GRID2: variants seen among roughly 807,000 people sequenced by gnomAD.
GRID2 encodes glutamate ionotropic receptor delta type subunit 2.
In GRID2, 33 loss-of-function variants were observed where a neutral mutation model predicts 114.8. The ratio of observed to expected loss-of-function variants is 0.29; its 90% confidence interval spans 0.22 to 0.38. GRID2 has a LOEUF of 0.38. Ranked by LOEUF, GRID2 falls within the 10% of genes least tolerant of loss-of-function variation. The probability of loss-of-function intolerance (pLI) is 1.00; values close to 1 mark genes in which losing one functional copy is unlikely to be tolerated. For synonymous variants in GRID2, 505 were observed against 449.9 expected (o/e 1.12, Z -1.55); for missense variants, 1,184 against 1,257.7 (o/e 0.94, Z 0.89).
intron 12 of GRID2, among the ~76,000 whole-genome samples, chr4:93,494,109 TG>T (rs1727293580): frequency 6.6e-6 from 1 of 151,898 alleles, no homozygotes; most frequent in Non-Finnish European, 1.5e-5. Flanking sequence ...CAAAGTTTCT[TG>T]GGAAAATTCT....
intron 13 of GRID2, among the ~76,000 whole-genome samples, chr4:93,560,685 T>G (rs13143406): frequency 0.32 from 48,844 of 151,872 alleles, 8,733 homozygotes; most frequent in African/African-American, 0.47. Flanking sequence ...TTGCTGGGTT[T>G]CCCAGGCTGG....
intron 13 of GRID2, among the ~76,000 whole-genome samples, chr4:93,516,270 A>C (rs1729721426): frequency 6.6e-6 from 1 of 152,156 alleles, no homozygotes; most frequent in African/African-American, 2.4e-5. Flanking sequence ...AAACTCACTA[A>C]TGTCATCCTA....
chr4:92,842,493 G>A (rs888867360), intron 2 of GRID2, among the ~76,000 whole-genome samples: 5 of 152,092 alleles, frequency 3.3e-5, no homozygotes, highest in Non-Finnish European at 7.4e-5. Flanking sequence ...TATATTTTGT[G>A]TTATTCTATT....
At chr4:92,345,098 T>C (rs975986964) in intron 1 of GRID2, among the ~76,000 whole-genome samples, 7 of 152,228 alleles carry the variant, frequency 4.6e-5, no homozygotes, top group African/African-American at 1.7e-4. Context: ...TTTACAACTT[T>C]ATAGCTTAGC....
At chr4:93,518,246 T>C (rs1348846830) in intron 13 of GRID2, among the ~76,000 whole-genome samples, 2 of 151,736 alleles carry the variant, frequency 1.3e-5, no homozygotes, top group Non-Finnish European at 2.9e-5. Flanking sequence ...TTTCTCTTAC[T>C]CGAAGGTAGA....
At chr4:93,794,452 G>T (rs547840040) in intron 1 of GRID2, among the ~76,000 whole-genome samples, 1 of 152,148 alleles carries the variant, frequency 6.6e-6, no homozygotes, top group African/African-American at 2.4e-5. Flanking sequence ...CCACCAGAAC[G>T]ACTTAGGGAA....
chr4:93,645,833 AT>A (rs1722060389), intron 14 of GRID2, among the ~76,000 whole-genome samples: 1 of 152,220 alleles, frequency 6.6e-6, no homozygotes, highest in Non-Finnish European at 1.5e-5. Context: ...TTTCAAATAT[AT>A]TCTAAATTCT....
chr4:93,295,362 G>A (rs1209853717), intron 8 of GRID2, among the ~76,000 whole-genome samples: 4 of 152,202 alleles, frequency 2.6e-5, no homozygotes, highest in Non-Finnish European at 4.4e-5. Context: ...TCAAATAGGA[G>A]TAAAGCCAGG....
At chr4:92,384,301 C>T (rs1174853076) in intron 1 of GRID2, among the ~76,000 whole-genome samples, 2 of 147,396 alleles carry the variant, frequency 1.4e-5, no homozygotes, top group Admixed American at 7.0e-5. Flanking sequence ...CCCTCAGCCA[C>T]AAGAGCCCTT....
At chr4:92,322,367 T>C (rs1208199267) in intron 1 of GRID2, among the ~76,000 whole-genome samples, 1 of 152,060 alleles carries the variant, frequency 6.6e-6, no homozygotes, top group Non-Finnish European at 1.5e-5. Flanking sequence ...CTAAATGTAT[T>C]GTCCAGTTTA....
chr4:93,223,466 A>G (rs1017650363), intron 6 of GRID2, among the ~76,000 whole-genome samples: 2 of 152,180 alleles, frequency 1.3e-5, no homozygotes, highest in African/African-American at 4.8e-5. Context: ...ATCAGACTCT[A>G]ATTATCTCAA....
chr4:93,308,562 C>CT (rs1755681073), intron 8 of GRID2, among the ~76,000 whole-genome samples: 2 of 152,092 alleles, frequency 1.3e-5, no homozygotes, highest in African/African-American at 4.8e-5. Flanking sequence ...GGAAAAGTCT[C>CT]TTTTTTCCAC....
At chr4:92,434,455 G>A (rs370418896) in intron 1 of GRID2, among the ~76,000 whole-genome samples, 41 of 152,158 alleles carry the variant, frequency 2.7e-4, no homozygotes, top group East Asian at 2.1e-3. Flanking sequence ...TTTTCCTTGC[G>A]CCTATGGTAA....
chr4:93,057,565 C>T (rs1727378589), intron 2 of GRID2, among the ~76,000 whole-genome samples: 1 of 151,828 alleles, frequency 6.6e-6, no homozygotes, highest in African/African-American at 2.4e-5. Context: ...TAAAGTAAAA[C>T]ATCTCTACGT....
chr4:92,465,350 G>T (rs1721696278), intron 1 of GRID2, among the ~76,000 whole-genome samples: 1 of 151,844 alleles, frequency 6.6e-6, no homozygotes, highest in African/African-American at 2.4e-5. Context: ...ATTCATAATT[G>T]AATTCATTAG....
intron 14 of GRID2, among the ~76,000 whole-genome samples, chr4:93,659,750 T>G (rs1723319130): frequency 6.6e-6 from 1 of 152,180 alleles, no homozygotes; most frequent in African/African-American, 2.4e-5. Context: ...CATTGGTTTC[T>G]CAGTCTCTTT....
chr4:93,479,176 A>G (rs1253224817), intron 11 of GRID2, among the ~76,000 whole-genome samples: 2 of 152,066 alleles, frequency 1.3e-5, no homozygotes, highest in South Asian at 2.1e-4. Context: ...CATTATACCT[A>G]AAAAGCAATA....
intron 13 of GRID2, among the ~76,000 whole-genome samples, chr4:93,538,961 G>T (rs1211561511): frequency 6.6e-6 from 1 of 151,802 alleles, no homozygotes; most frequent in African/African-American, 2.4e-5. Context: ...TGGTTTCTCA[G>T]TTTTTACAAA....
At chr4:93,579,029 C>T (rs1227408680) in intron 13 of GRID2, among the ~76,000 whole-genome samples, 1 of 152,166 alleles carries the variant, frequency 6.6e-6, no homozygotes, top group Non-Finnish European at 1.5e-5. Context: ...AATGTCTTTC[C>T]ACTAGCATAG....
Sources: allele counts gnomAD v4.1 joint callset (sites outside exome capture counted in the v4.1 genomes callset), GRCh38; gene constraint gnomAD v4.1.1; transcripts MANE v1.5; gene names NCBI Gene and HGNC (gene_info 2026-07-23, HGNC 2026-07-21).